MAPK10: variants seen among roughly 807,000 people sequenced by gnomAD.
The protein encoded by MAPK10 is mitogen-activated protein kinase 10.
In MAPK10, 25 loss-of-function variants were observed where a neutral mutation model predicts 59.3. The ratio of observed to expected loss-of-function variants is 0.42; its 90% confidence interval spans 0.31 to 0.59. MAPK10 has a LOEUF of 0.59. Among genes scored for constraint, MAPK10 ranks in the 20% least tolerant of loss-of-function variants. The probability of loss-of-function intolerance (pLI) is 0.15; values close to 1 mark genes in which losing one functional copy is unlikely to be tolerated. For missense variants in MAPK10, 351 were observed against 568.9 expected, an observed-to-expected ratio of 0.62 and a Z score of 3.90; for synonymous variants, 190 against 200.5, an observed-to-expected ratio of 0.95 and a Z score of 0.44.
At chr4:86,120,878 G>A (rs922186284) in intron 4 of MAPK10, among the ~76,000 whole-genome samples, 1 of 151,842 alleles carries the variant, frequency 6.6e-6, no homozygotes, top group Admixed American at 6.6e-5. Context: ...TTTACTGTGT[G>A]GTATAAACCA....
intron 1 of MAPK10, chr4:86,357,799 T>C (rs1222322586): frequency 6.6e-6 from 1 of 152,224 alleles, no homozygotes; most frequent in African/African-American, 2.4e-5. Context: ...TATAATTTCT[T>C]ACTGCCTCAC....
rs539272165 is a variant in MAPK10 at position 86,407,303 on chromosome 4, G to T, written c.-122+45727C>A. On this transcript the variant is annotated intron_variant, in intron 1 of 13. Coordinates refer to the MAPK10 transcript ENST00000361569. ...TTGAAAAGAAGCTAAGGTTCAGGAA[G>T]TAAATGTTCCTGAGAAGATGGGCAG... 1.2e-3 allele frequency among the ~76,000 whole-genome samples: 178 copies of T among 152,280 alleles called. 1 individual carries two copies. The highest frequency in any genetic ancestry group is 2.1e-3 in the Non-Finnish European group (144 of 68,026).
At chr4:86,052,386 T>C (rs899517954) in intron 11 of MAPK10, among the ~76,000 whole-genome samples, 1 of 152,110 alleles carries the variant, frequency 6.6e-6, no homozygotes, top group African/African-American at 2.4e-5. Context: ...TTTCAAAATT[T>C]TAAGAATTAA....
chr4:86,459,031 C>A (rs577601375), intron 1 of MAPK10, among the ~76,000 whole-genome samples: 2 of 152,036 alleles, frequency 1.3e-5, no homozygotes, highest in Admixed American at 1.3e-4. Context: ...GACTAATACC[C>A]AGAATCTACA....
In MAPK10 at chr4:86,103,255, G is replaced by A; in HGVS notation, c.367-11C>T. The A allele has an allele frequency of 7.3e-7, 1 of 1,365,940 alleles. No homozygotes were observed. The highest frequency in any genetic ancestry group is 1.0e-6 in the Non-Finnish European group (1 of 952,740). 84.6% of individuals were successfully genotyped at this position (1,365,940 alleles called of 1,614,324 possible). On this transcript the variant is annotated splice_polypyrimidine_tract_variant and intron_variant, in intron 5 of 13. Coordinates refer to ENST00000641462, the MANE Select transcript of MAPK10 (RefSeq NM_138982.4). ...TAATAAACTAATAATCTGAAAGAGAGTGGAAGGGACAGAGGAAACGAGAGA... is the reference window on the plus strand; with the variant it reads ...TAATAAACTAATAATCTGAAAGAGAATGGAAGGGACAGAGGAAACGAGAGA...
chr4:86,203,527 A>G (rs1285565887), intron 2 of MAPK10, among the ~76,000 whole-genome samples: 1 of 151,522 alleles, frequency 6.6e-6, no homozygotes, highest in East Asian at 2.0e-4. Context: ...ACCATGAACT[A>G]CTAATTATTT....
chr4:86,548,039 G>C (rs1181861397), intron 1 of MAPK10, among the ~76,000 whole-genome samples: 5 of 152,138 alleles, frequency 3.3e-5, no homozygotes, highest in Non-Finnish European at 5.9e-5. Flanking sequence ...AACCCGCTCA[G>C]GTCCCCTTCC....
chr4:86,172,542 G>C (rs545684148), intron 3 of MAPK10, among the ~76,000 whole-genome samples: 4 of 150,862 alleles, frequency 2.7e-5, no homozygotes, highest in Admixed American at 1.3e-4. Flanking sequence ...CATGGACACA[G>C]GAAGGGGAAT....
chr4:86,333,041 G>A lies in MAPK10; in HGVS notation c.-7+21489C>T, dbSNP rs142815312. Reference sequence around the variant, plus strand: ...ACACAGGCTGCCCTCAAACTCCTGGGCACAAGGGATCCTTTTACTTCTGCC... The same window carrying A: ...ACACAGGCTGCCCTCAAACTCCTGGACACAAGGGATCCTTTTACTTCTGCC... On this transcript the variant is annotated intron_variant, in intron 2 of 13. Coordinates refer to ENST00000641462, the MANE Select transcript of MAPK10 (RefSeq NM_138982.4). 7.5e-4 allele frequency among the ~76,000 whole-genome samples: 114 copies of A among 152,246 alleles called. 1 individual carries two copies. Among genetic ancestry groups the A allele is most frequent in the African/African-American group, 2.7e-3 (112 of 41,528 alleles).
chr4:86,127,204 TAAAA>T lies in MAPK10; in HGVS notation c.237-19856_237-19853del, dbSNP rs5860018. On this transcript the variant is annotated intron_variant, in intron 4 of 13. Transcript: ENST00000641462. ...GTTAGGAGAATTAAGTTAGCTTAATTAAAAAAAAAAAAAAAAAGCATCCTACTAC... is the reference window on the plus strand; with the variant it reads ...GTTAGGAGAATTAAGTTAGCTTAATTAAAAAAAAAAAAAGCATCCTACTAC... Among the ~76,000 whole-genome samples the T allele has an allele frequency of 3.3e-3, 455 of 136,662 alleles. 3 individuals carry two copies. Among genetic ancestry groups the T allele is most frequent in the Middle Eastern group, 0.016 (4 of 254 alleles). The allele number at this position is 136,662 out of a possible 152,430, so 89.7% of individuals were successfully genotyped here.
chr4:86,479,652 C>T (rs1753423003), intron 1 of MAPK10, among the ~76,000 whole-genome samples: 1 of 152,082 alleles, frequency 6.6e-6, no homozygotes, highest in African/African-American at 2.4e-5. Flanking sequence ...TCTTAACTCC[C>T]TCTTAAAGTA....
intron 1 of MAPK10, among the ~76,000 whole-genome samples, chr4:86,526,989 T>C (rs1579483819): frequency 1.3e-5 from 2 of 152,200 alleles, no homozygotes; most frequent in East Asian, 3.9e-4. Context: ...ATGTGGTCAA[T>C]CTTGGAGTAG....
intron 1 of MAPK10, among the ~76,000 whole-genome samples, chr4:86,501,668 GTGTGTGTGCA>G (rs1755342332): frequency 6.7e-6 from 1 of 150,146 alleles, no homozygotes; most frequent in South Asian, 2.1e-4. Flanking sequence ...TTGTATGCAT[GTGTGTGTGCA>G]TGCACACACA....
At chr4:86,043,292 G>A (rs1490335408) in intron 11 of MAPK10, among the ~76,000 whole-genome samples, 3 of 152,176 alleles carry the variant, frequency 2.0e-5, no homozygotes, top group Admixed American at 2.0e-4. Flanking sequence ...GAGGCTGCAG[G>A]AGAACAGGTG....
intron 9 of MAPK10, among the ~76,000 whole-genome samples, chr4:86,075,672 C>T (rs967102130): frequency 5.9e-5 from 9 of 151,580 alleles, no homozygotes; most frequent in African/African-American, 2.2e-4. Flanking sequence ...GGCAGTGTGC[C>T]CCTGCTGGGG....
intron 11 of MAPK10, among the ~76,000 whole-genome samples, chr4:86,055,651 T>G (rs1237852967): frequency 1.3e-5 from 2 of 149,864 alleles, no homozygotes; most frequent in Non-Finnish European, 3.0e-5. Context: ...TGCAGATCTT[T>G]TCTATTAATA....
chr4:86,467,103 C>T (rs1752268940), intron 1 of MAPK10, among the ~76,000 whole-genome samples: 1 of 152,112 alleles, frequency 6.6e-6, no homozygotes, highest in Non-Finnish European at 1.5e-5. Flanking sequence ...ATGACCCTGG[C>T]GTGATTCAGC....
At chr4:86,591,620 C>T (rs1298505458) in intron 1 of MAPK10, among the ~76,000 whole-genome samples, 1 of 152,136 alleles carries the variant, frequency 6.6e-6, no homozygotes, top group Non-Finnish European at 1.5e-5. Flanking sequence ...GTGATCTGTC[C>T]ACTTCAGCCT....
intron 2 of MAPK10, among the ~76,000 whole-genome samples, chr4:86,206,008 T>C (rs768129974): frequency 6.6e-6 from 1 of 152,012 alleles, no homozygotes; most frequent in Admixed American, 6.6e-5. Flanking sequence ...AAAAACAAAC[T>C]GTTCTCCACT....
Sources: gnomAD v4.1 joint callset for allele counts (sites outside exome capture counted in the v4.1 genomes callset) on GRCh38, gnomAD v4.1.1 for gene constraint, MANE v1.5 for transcripts, NCBI Gene and HGNC (gene_info 2026-07-23, HGNC 2026-07-21) for gene names.